CSMD1: variants seen among roughly 807,000 people sequenced by gnomAD.
CSMD1 encodes CUB and Sushi multiple domains 1.
Under a neutral mutation model 417.5 loss-of-function variants are expected in CSMD1, and 213 were observed. That is an observed-to-expected ratio of 0.51 (90% CI 0.46 to 0.57). CSMD1 has a LOEUF of 0.57. Among genes scored for constraint, CSMD1 ranks in the 20% least tolerant of loss-of-function variants. CSMD1 has a pLI of 0.00. For missense variants in CSMD1, 6,923 were observed against 4,529.7 expected, an observed-to-expected ratio of 1.53 and a Z score of -15.17; for synonymous variants, 2,862 against 1,736.8, an observed-to-expected ratio of 1.65 and a Z score of -16.11.
chr8:2,990,966 T>A (rs1217736867), intron 54 of CSMD1, among the ~76,000 whole-genome samples: 1 of 152,232 alleles, frequency 6.6e-6, no homozygotes, highest in South Asian at 2.1e-4. Flanking sequence ...CAATGTGATC[T>A]TTTCCCTTCA....
chr8:3,965,145 A>C lies in CSMD1; in HGVS notation c.818+32758T>G, dbSNP rs186830603. On this transcript the variant is annotated intron_variant, in intron 5 of 69. Coordinates refer to ENST00000635120, the MANE Select transcript of CSMD1 (RefSeq NM_033225.6). ...ATTGTAATTGTGTTATTAATATTTT[A>C]ATAGTTTCTTGCTTTTTAACAGTAA... 2.6e-5 allele frequency among the ~76,000 whole-genome samples: 4 copies of C among 152,296 alleles called. No homozygotes were observed. The East Asian group carries it at 7.7e-4, about 29-fold the overall frequency.
chr8:3,921,850 A>C (rs2912269), intron 5 of CSMD1, among the ~76,000 whole-genome samples: 9 of 151,992 alleles, frequency 5.9e-5, no homozygotes, highest in African/African-American at 1.9e-4. Context: ...AGAAAAATGT[A>C]TATGCTGCTG....
chr8:4,226,827 T>C (rs146220323), intron 3 of CSMD1, among the ~76,000 whole-genome samples: 52 of 152,328 alleles, frequency 3.4e-4, no homozygotes, highest in African/African-American at 1.2e-3. Context: ...GTTGTTGAAA[T>C]GCAAATGCAA....
chr8:3,262,230 T>TACACACAC (rs1554490216), intron 26 of CSMD1, among the ~76,000 whole-genome samples: 20 of 95,684 alleles, frequency 2.1e-4, no homozygotes, highest in Admixed American at 3.2e-4. Flanking sequence ...TATATATATA[T>TACACACAC]ACACACACAT....
intron 11 of CSMD1, among the ~76,000 whole-genome samples, chr8:3,489,972 T>TG (rs1818276610): frequency 1.3e-5 from 2 of 152,238 alleles, no homozygotes; most frequent in Non-Finnish European, 2.9e-5. Flanking sequence ...GTATTTAAAC[T>TG]ATTCCAGTCT....
intron 5 of CSMD1, among the ~76,000 whole-genome samples, chr8:3,822,116 A>G (rs1195639831): frequency 1.1e-4 from 17 of 151,190 alleles, no homozygotes; most frequent in Non-Finnish European, 5.9e-5. Flanking sequence ...TTTTCTGGAC[A>G]ATTTTTTTTC....
chr8:4,495,485 G>C (rs910637278), intron 2 of CSMD1, among the ~76,000 whole-genome samples: 1 of 152,062 alleles, frequency 6.6e-6, no homozygotes, highest in South Asian at 2.1e-4. Flanking sequence ...TGAAGTAGGA[G>C]AATTGCTTGA....
At position 3,214,677 on chromosome 8, in the gene CSMD1, C is replaced by T; in HGVS notation, c.4687G>A (p.Ala1563Thr). 1 of 1,550,534 alleles carries T rather than the reference C, an allele frequency of 6.4e-7. No individual in the cohort carries two copies. Among genetic ancestry groups the T allele is most frequent in the Non-Finnish European group, 8.7e-7 (1 of 1,146,504 alleles). Residue 1563 changes from alanine to threonine, a missense_variant, in exon 30 of 70, where the codon GCT becomes ACT. Transcript: ENST00000635120. The stretch of plus-strand genomic sequence containing the variant: ...ATTATATTTCCTGGGTCAAAACAAG[C>T]TTCCCGTGGTTTCTCTGTGGAAGAA... ...AIEFKEKPRE[A>T]CFDPGNIMNG...
At chr8:3,642,680 G>A (rs1021248724) in intron 7 of CSMD1, among the ~76,000 whole-genome samples, 1 of 152,128 alleles carries the variant, frequency 6.6e-6, no homozygotes, top group Non-Finnish European at 1.5e-5. Context: ...GGGCTTATAG[G>A]AAAGAGGATA....
intron 1 of CSMD1, among the ~76,000 whole-genome samples, chr8:4,678,063 A>T (rs1464374264): frequency 6.6e-6 from 1 of 152,176 alleles, no homozygotes; most frequent in African/African-American, 2.4e-5. Flanking sequence ...ATGGACACAC[A>T]CCCACATATG....
intron 3 of CSMD1, among the ~76,000 whole-genome samples, chr8:4,200,146 T>C (rs969437248): frequency 2.5e-4 from 38 of 152,220 alleles, no homozygotes; most frequent in African/African-American, 8.7e-4. Context: ...TTTAACATTA[T>C]AGTCTGAAAT....
At chr8:3,867,390 C>T (rs989569045) in intron 5 of CSMD1, among the ~76,000 whole-genome samples, 1 of 152,044 alleles carries the variant, frequency 6.6e-6, no homozygotes, top group South Asian at 2.1e-4. Context: ...CCCAAATTTC[C>T]ATTCTTTTCT....
intron 5 of CSMD1, among the ~76,000 whole-genome samples, chr8:3,984,240 C>A (rs1208451481): frequency 7.1e-6 from 1 of 141,230 alleles, no homozygotes; most frequent in African/African-American, 2.6e-5. Flanking sequence ...TCCTGCAAAG[C>A]GAGTGGCAAG....
At chr8:4,104,826 C>G (rs948854046) in intron 3 of CSMD1, among the ~76,000 whole-genome samples, 4 of 152,230 alleles carry the variant, frequency 2.6e-5, no homozygotes, top group Admixed American at 6.5e-5. Flanking sequence ...TAAATGTTTC[C>G]TTGAGATCAA....
intron 2 of CSMD1, among the ~76,000 whole-genome samples, chr8:4,460,591 C>G (rs1190463501): frequency 6.7e-6 from 1 of 150,032 alleles, no homozygotes; most frequent in African/African-American, 2.5e-5. Context: ...ATAAAGAAGT[C>G]TCAAATTACT....
intron 2 of CSMD1, among the ~76,000 whole-genome samples, chr8:4,621,850 T>G (rs1023440489): frequency 6.6e-6 from 1 of 152,068 alleles, no homozygotes; most frequent in Non-Finnish European, 1.5e-5. Context: ...TAGGCTGTAC[T>G]CTGGAATGAG....
chr8:4,631,840 T>C (rs780670169), intron 2 of CSMD1, among the ~76,000 whole-genome samples: 3 of 152,196 alleles, frequency 2.0e-5, no homozygotes, highest in Admixed American at 6.5e-5. Context: ...GAACTCGAGA[T>C]AAATGCCAAA....
chr8:4,580,335 C>T (rs565714964), intron 2 of CSMD1, among the ~76,000 whole-genome samples: 1 of 152,140 alleles, frequency 6.6e-6, no homozygotes, highest in Admixed American at 6.5e-5. Context: ...GACATGAGCC[C>T]TGTATCATAT....
chr8:4,594,744 T>C (rs1388634774), intron 2 of CSMD1, among the ~76,000 whole-genome samples: 1 of 152,200 alleles, frequency 6.6e-6, no homozygotes, highest in South Asian at 2.1e-4. Flanking sequence ...CCTGTTCACA[T>C]GGCTATCTTT....
Sources: allele counts gnomAD v4.1 joint callset (sites outside exome capture counted in the v4.1 genomes callset), GRCh38; gene constraint gnomAD v4.1.1; transcripts MANE v1.5; gene names NCBI Gene and HGNC (gene_info 2026-07-23, HGNC 2026-07-21).